Variants in ADGRV1 observed in about 807,000 individuals in gnomAD.
ADGRV1 encodes the protein G-protein coupled receptor 98.
In ADGRV1, 359 loss-of-function variants were observed where a neutral mutation model predicts 596.2. That is an observed-to-expected ratio of 0.60 (90% CI 0.55 to 0.66). The LOEUF is 0.66. Ranked by LOEUF, ADGRV1 falls within the 30% of genes least tolerant of loss-of-function variation. The pLI, the probability that ADGRV1 is intolerant of heterozygous loss-of-function variation, is 0.00. For synonymous variants in ADGRV1, 2,681 were observed against 2,679.2 expected (o/e 1.00, Z -0.02); for missense variants, 7,274 against 7,575.6 (o/e 0.96, Z 1.48).
chr5:90,611,148 A>G (rs1459276704), intron 1 of ADGRV1, among the ~76,000 whole-genome samples: 1 of 151,904 alleles, frequency 6.6e-6, no homozygotes, highest in Non-Finnish European at 1.5e-5. Flanking sequence ...TACACAATAT[A>G]CAAATGTTAT....
intron 70 of ADGRV1, among the ~76,000 whole-genome samples, chr5:90,795,086 GTTT>G (rs35362542): frequency 8.3e-6 from 1 of 120,444 alleles, no homozygotes; most frequent in Non-Finnish European, 1.7e-5. Context: ...AGCTGCAGAA[GTTT>G]TTTTTTTTTT....
chr5:90,866,868 CA>C (rs1768172416), intron 83 of ADGRV1, among the ~76,000 whole-genome samples: 1 of 151,936 alleles, frequency 6.6e-6, no homozygotes, highest in African/African-American at 2.4e-5. Context: ...TTCAGTTTAT[CA>C]AAAAATGTAC....
At position 90,652,470 on chromosome 5, in the gene ADGRV1, G is replaced by A. The variant is rs561817643; in HGVS notation, c.3541G>A (p.Gly1181Arg). 6.2e-7 allele frequency: 1 copy of A among 1,613,360 alleles called. No homozygotes were observed. The highest frequency in any genetic ancestry group is 2.2e-5 in the East Asian group (1 of 44,838). ...TTCAGGAACTGTTAACTTCATGGAT[G>A]GAGAAGAAGCAAAACCAATCATTCT... ...ETSGTVNFMD[G>R]EEAKPIILHA... The change falls in exon 19 of 90, where the codon GGA becomes AGA. Residue 1181 changes from glycine to arginine, a missense_variant. Around this residue, in one of 5 missense-constraint regions of ADGRV1, gnomAD observed 1,715 missense variants for 1,708.8 expected, o/e 1.00. Coordinates refer to ENST00000405460, the MANE Select transcript of ADGRV1 (RefSeq NM_032119.4).
intron 85 of ADGRV1, among the ~76,000 whole-genome samples, chr5:91,067,506 T>G (rs984466297): frequency 1.8e-4 from 27 of 152,184 alleles, no homozygotes; most frequent in African/African-American, 6.3e-4. Context: ...AGTGGAGCAG[T>G]GGATATGTCT....
chr5:90,591,952 T>A (rs1490760739), intron 1 of ADGRV1, among the ~76,000 whole-genome samples: 1 of 152,230 alleles, frequency 6.6e-6, no homozygotes, highest in Non-Finnish European at 1.5e-5. Flanking sequence ...AACTGAGATT[T>A]AGAGATGCTA....
chr5:90,773,327 G>C (rs748791713), intron 59 of ADGRV1, among the ~76,000 whole-genome samples: 2 of 151,874 alleles, frequency 1.3e-5, no homozygotes, highest in African/African-American at 2.4e-5. Flanking sequence ...TAATAAATGG[G>C]TCAAAAAGAA....
At chr5:91,124,388 A>G (rs1350636971) in intron 87 of ADGRV1, among the ~76,000 whole-genome samples, 1 of 152,152 alleles carries the variant, frequency 6.6e-6, no homozygotes, top group African/African-American at 2.4e-5. Flanking sequence ...TTTTTCTCTC[A>G]CCATTAAGTG....
rs561312856 is a variant in ADGRV1, at chr5:90,796,451, C to G, written c.14517+5105C>G. ...GAAAAAAAAAATAAAAAGGAATGAA[C>G]AAAGCCTCCAAGAAATATGGGACTA... On this transcript the variant is annotated intron_variant, in intron 70 of 89. Transcript: ENST00000405460. Among the ~76,000 whole-genome samples the G allele has an allele frequency of 4.6e-5, 7 of 152,010 alleles. No individual in the cohort carries two copies. In the South Asian group the frequency reaches 8.3e-4, roughly 18 times the overall value.
At chr5:91,069,743 A>G (rs2151386013) in intron 85 of ADGRV1, among the ~76,000 whole-genome samples, 1 of 152,340 alleles carries the variant, frequency 6.6e-6, no homozygotes, top group African/African-American at 2.4e-5. Context: ...TGTCCCAGCA[A>G]TCCCATTACT....
Position 90,578,947 on chromosome 5 carries a change from C to T in ADGRV1, c.22+20030C>T, listed in dbSNP as rs1445402111. On this transcript the variant is annotated intron_variant, in intron 1 of 89. Transcript: ENST00000405460. ...ATGGTAGTTTGTATTTCTGTGGGAT[C>T]GGTGGTGATATATCATTTTTTATTG... is the stretch of plus-strand genomic sequence containing the variant. 3.3e-5 allele frequency among the ~76,000 whole-genome samples: 5 copies of T among 151,872 alleles called. No individual in the cohort carries two copies. In the South Asian group the frequency reaches 6.2e-4, roughly 19 times the overall value.
intron 21 of ADGRV1, among the ~76,000 whole-genome samples, chr5:90,668,018 T>C (rs11949004): frequency 0.16 from 24,651 of 151,476 alleles, 2,176 homozygotes; most frequent in East Asian, 0.41. Context: ...TTCAAAGCTG[T>C]CAGACAGGGA....
chr5:90,721,498 G>A, intron 45 of ADGRV1, among the ~76,000 whole-genome samples: 1 of 62,636 alleles, frequency 1.6e-5, no homozygotes, highest in Admixed American at 1.9e-4. Context: ...AGCAAGACTT[G>A]GTCTAAAAAA....
chr5:90,952,333 A>G (rs1330432197), intron 83 of ADGRV1, among the ~76,000 whole-genome samples: 4 of 152,154 alleles, frequency 2.6e-5, no homozygotes, highest in Non-Finnish European at 5.9e-5. Flanking sequence ...GGCAGTTGGC[A>G]TGCTCTTTTC....
At chr5:90,651,810 C>A in intron 18 of ADGRV1, 80 bp downstream of exon 18, 1 of 928,518 alleles carries the variant, frequency 1.1e-6, no homozygotes, top group Non-Finnish European at 1.6e-6. Flanking sequence ...AATATTCCTT[C>A]AAAATTTAAA....
intron 20 of ADGRV1, 99 bp from the exon 21 acceptor site, chr5:90,657,806 T>C (rs1170376657): frequency 1.6e-6 from 2 of 1,282,630 alleles, no homozygotes; most frequent in Admixed American, 2.6e-5. Context: ...TATCCAAAAA[T>C]ATCTTTCAGT....
chr5:90,925,588 T>A (rs1774351987), intron 83 of ADGRV1, among the ~76,000 whole-genome samples: 2 of 151,888 alleles, frequency 1.3e-5, no homozygotes, highest in Admixed American at 1.3e-4. Context: ...CAGGGACAAT[T>A]TGACTTCCTC....
Position 90,706,485 on chromosome 5 carries a change from T to C in ADGRV1, c.8730+91T>C, listed in dbSNP as rs542572668. On this transcript the variant is annotated intron_variant, in intron 38 of 89. Transcript: ENST00000405460. The stretch of plus-strand genomic sequence containing the variant: ...TAAGTTTTAGTGTACAAGTGCACAA[T>C]GTGCAGGTTTGTTACATATATATAC... 1.5e-3 allele frequency: 1,734 copies of C among 1,118,726 alleles called. 1 individual carries two copies. The highest frequency in any genetic ancestry group is 1.8e-3 in the Non-Finnish European group (1,411 of 801,178). The allele number at this position is 1,118,726 out of a possible 1,614,324, so 69.3% of individuals were successfully genotyped here.
In ADGRV1 at chr5:91,153,204, C is replaced by A; in HGVS notation, c.18625-17C>A. 1 of 1,590,462 alleles carries A rather than the reference C, an allele frequency of 6.3e-7. No individual in the cohort carries two copies. Among genetic ancestry groups the A allele is most frequent in the Non-Finnish European group, 8.6e-7 (1 of 1,167,486 alleles). On this transcript the variant is annotated splice_polypyrimidine_tract_variant and intron_variant, in intron 88 of 89. Transcript: ENST00000405460. ...TCATATTATGGTTTCTTTTTCCCCC[C>A]ATCCCAATCTAAAAAGGTGCCACCT...
chr5:91,154,812 C>T (rs904029390), intron 89 of ADGRV1, among the ~76,000 whole-genome samples: 8 of 152,144 alleles, frequency 5.3e-5, no homozygotes, highest in African/African-American at 1.9e-4. Context: ...ACTTGTAAAA[C>T]CATCAGATCT....
Sources: allele counts gnomAD v4.1 joint callset (sites outside exome capture counted in the v4.1 genomes callset), GRCh38; gene constraint gnomAD v4.1.1; regional missense constraint gnomAD v4.1.1; transcripts MANE v1.5; gene names NCBI Gene and HGNC (gene_info 2026-07-23, HGNC 2026-07-21).